The following CCSER1 variants were observed in gnomAD, a reference collection of about 807,000 sequenced individuals.
The protein encoded by CCSER1 is serine-rich coiled-coil domain-containing protein 1.
CCSER1 carries 41 observed loss-of-function variants against 82.0 expected under a neutral mutation model. The observed-to-expected ratio is 0.50, with a 90% CI of 0.39 to 0.65. CCSER1 has a LOEUF of 0.65. Ranked by LOEUF, CCSER1 falls within the 30% of genes least tolerant of loss-of-function variation. CCSER1 has a pLI of 0.00. For synonymous variants in CCSER1, 414 were observed against 383.9 expected (o/e 1.08, Z -0.92); for missense variants, 1,119 against 1,064.2 (o/e 1.05, Z -0.72).
chr4:91,188,020 C>T lies in CCSER1; in HGVS notation c.2217+102026C>T, dbSNP rs146309975. On this transcript the variant is annotated intron_variant, in intron 10 of 10. Coordinates refer to ENST00000509176, the MANE Select transcript of CCSER1 (RefSeq NM_001145065.2). ...ATGCAGAATTATCTTAGTATATTTACAGCAGTTCCAGAGTCCAAGATTAAA... is the reference window on the plus strand; with the variant it reads ...ATGCAGAATTATCTTAGTATATTTATAGCAGTTCCAGAGTCCAAGATTAAA... Among the ~76,000 whole-genome samples, 1,419 of 151,718 alleles carry T rather than the reference C, an allele frequency of 9.4e-3. 17 individuals carry two copies. The highest frequency in any genetic ancestry group is 0.032 in the African/African-American group (1,309 of 41,388).
At chr4:90,270,925 T>A (rs1282053090) in intron 1 of CCSER1, among the ~76,000 whole-genome samples, 1 of 151,780 alleles carries the variant, frequency 6.6e-6, no homozygotes, top group Non-Finnish European at 1.5e-5. Flanking sequence ...TAGGAATTAA[T>A]GTAGCCAAAG....
chr4:90,412,808 TG>T (rs1755095975), intron 4 of CCSER1, among the ~76,000 whole-genome samples: 1 of 152,128 alleles, frequency 6.6e-6, no homozygotes, highest in Admixed American at 6.5e-5. Flanking sequence ...TCATACTGAA[TG>T]GGGAAAAGTT....
At chr4:90,776,021 T>C (rs1354750109) in intron 7 of CCSER1, among the ~76,000 whole-genome samples, 1 of 151,978 alleles carries the variant, frequency 6.6e-6, no homozygotes, top group Non-Finnish European at 1.5e-5. Flanking sequence ...TTACACAGCA[T>C]GCAATGCATC....
chr4:91,089,103 G>A (rs1313725639), intron 10 of CCSER1, among the ~76,000 whole-genome samples: 1 of 152,098 alleles, frequency 6.6e-6, no homozygotes, highest in East Asian at 1.9e-4. Flanking sequence ...TAAAATCCGA[G>A]CTTGTTGAGT....
intron 6 of CCSER1, among the ~76,000 whole-genome samples, chr4:90,719,302 C>A (rs529898165): frequency 5.3e-4 from 80 of 152,124 alleles, no homozygotes; most frequent in African/African-American, 1.9e-3. Flanking sequence ...TCACATTCTC[C>A]CATCCCTCCC....
At chr4:91,288,340 G>A (rs1013465348) in intron 10 of CCSER1, among the ~76,000 whole-genome samples, 4 of 151,490 alleles carry the variant, frequency 2.6e-5, no homozygotes, top group East Asian at 1.9e-4. Flanking sequence ...AAAGTCACAC[G>A]GCAACCAACT....
intron 9 of CCSER1, among the ~76,000 whole-genome samples, chr4:91,045,820 A>G (rs529175362): frequency 4.6e-5 from 7 of 152,208 alleles, no homozygotes; most frequent in Non-Finnish European, 7.3e-5. Flanking sequence ...AGACCACCAA[A>G]CAGGCTTTGT....
chr4:90,316,309 A>G (rs151319311), intron 3 of CCSER1, among the ~76,000 whole-genome samples: 5 of 152,166 alleles, frequency 3.3e-5, no homozygotes, highest in Non-Finnish European at 2.9e-5. Context: ...TTTTGGGAAA[A>G]TGTATTCGAT....
intron 6 of CCSER1, among the ~76,000 whole-genome samples, chr4:90,716,289 A>G (rs1231406007): frequency 2.6e-5 from 4 of 151,924 alleles, no homozygotes; most frequent in Non-Finnish European, 5.9e-5. Flanking sequence ...AATTAAAAAT[A>G]TGTACAAAAA....
At position 91,155,660 on chromosome 4, in the gene CCSER1, T is replaced by C. The variant is rs552951998; in HGVS notation, c.2217+69666T>C. On this transcript the variant is annotated intron_variant, in intron 10 of 10. Transcript: ENST00000509176. ...TGAATTACTTCTCTCTTTTACTTGC[T>C]ATATCTTCACATATTTGAAAATACA... 3.9e-5 allele frequency among the ~76,000 whole-genome samples: 6 copies of C among 152,156 alleles called. No homozygotes were observed. In the South Asian group the frequency reaches 1.2e-3, roughly 32 times the overall value.
At chr4:91,581,353 G>GT (rs1203632609) in intron 10 of CCSER1, among the ~76,000 whole-genome samples, 1 of 151,718 alleles carries the variant, frequency 6.6e-6, no homozygotes, top group Non-Finnish European at 1.5e-5. Flanking sequence ...AATTTTGCCA[G>GT]AAGGGCAGCA....
chr4:91,165,301 GC>G (rs1405915086), intron 10 of CCSER1, among the ~76,000 whole-genome samples: 1 of 152,158 alleles, frequency 6.6e-6, no homozygotes, highest in Non-Finnish European at 1.5e-5. Context: ...AGCAAATACT[GC>G]TGCCTGATCC....
intron 8 of CCSER1, among the ~76,000 whole-genome samples, chr4:90,898,894 GTT>G (rs1471652633): frequency 1.3e-5 from 1 of 76,266 alleles, no homozygotes; most frequent in African/African-American, 3.5e-5. Flanking sequence ...CTCTGGTTTT[GTT>G]TTTAATGCTT....
intron 9 of CCSER1, among the ~76,000 whole-genome samples, chr4:90,932,986 A>AGAGAG (rs1561385193): frequency 6.9e-5 from 2 of 29,166 alleles, no homozygotes; most frequent in Non-Finnish European, 1.3e-4. Flanking sequence ...AAGAAAGAGA[A>AGAGAG]AGAAAGAAAG....
chr4:90,585,148 A>G (rs1242330985), intron 5 of CCSER1, among the ~76,000 whole-genome samples: 3 of 152,216 alleles, frequency 2.0e-5, no homozygotes, highest in Non-Finnish European at 2.9e-5. Context: ...TTTGTCATCA[A>G]GGATATAAAA....
intron 4 of CCSER1, among the ~76,000 whole-genome samples, chr4:90,444,790 T>A (rs1316160949): frequency 6.6e-6 from 1 of 152,050 alleles, no homozygotes; most frequent in Non-Finnish European, 1.5e-5. Flanking sequence ...GACAATACCT[T>A]TATTAAAAGG....
chr4:91,464,936 G>C (rs986664577), intron 10 of CCSER1, among the ~76,000 whole-genome samples: 4 of 152,158 alleles, frequency 2.6e-5, no homozygotes, highest in African/African-American at 9.7e-5. Flanking sequence ...GTCAGTATTA[G>C]ACAGATCAAT....
intron 10 of CCSER1, among the ~76,000 whole-genome samples, chr4:91,484,440 T>C (rs1360568593): frequency 6.6e-6 from 1 of 152,196 alleles, no homozygotes; most frequent in Admixed American, 6.5e-5. Flanking sequence ...AATATTTATT[T>C]ACTAAACAAA....
chr4:90,964,496 C>T lies in CCSER1; in HGVS notation c.2172+41049C>T, dbSNP rs563370763. ...AATCCCACACTTTGGGAGGCCAAGG[C>T]GGGCAGATCACGAGGTCAGGAGATC... On this transcript the variant is annotated intron_variant, in intron 9 of 10. Transcript: ENST00000509176. 1.4e-4 allele frequency among the ~76,000 whole-genome samples: 21 copies of T among 151,160 alleles called. No individual in the cohort carries two copies. The South Asian group carries it at 1.5e-3, about 10-fold the overall frequency.
Sources: gnomAD v4.1 joint callset for allele counts (sites outside exome capture counted in the v4.1 genomes callset) on GRCh38, gnomAD v4.1.1 for gene constraint, MANE v1.5 for transcripts, NCBI Gene and HGNC (gene_info 2026-07-23, HGNC 2026-07-21) for gene names.